Variants in REDIC1 observed in about 807,000 individuals in gnomAD.
The protein encoded by REDIC1 is regulator of DNA class I crossover intermediates 1, also known as HEI10 Interacting Protein 1.
chr12:39,817,377 T>G, the REDIC1 span, among the ~76,000 whole-genome samples: 1 of 145,546 alleles, frequency 6.9e-6, no homozygotes, highest in Non-Finnish European at 1.5e-5. Flanking sequence ...GTTCCATTAC[T>G]GTTTCCATTT....
chr12:39,860,033 G>A, the REDIC1 span, among the ~76,000 whole-genome samples: 2 of 152,098 alleles, frequency 1.3e-5, no homozygotes, highest in East Asian at 3.8e-4. Flanking sequence ...AGAAGAGCAA[G>A]GTTTGAAAGG....
the REDIC1 span, among the ~76,000 whole-genome samples, chr12:39,839,049 AT>A: frequency 6.6e-6 from 1 of 152,056 alleles, no homozygotes; most frequent in Non-Finnish European, 1.5e-5. Flanking sequence ...TTATGCATGA[AT>A]TGACACCTAT....
chr12:39,669,689 G>T, the REDIC1 span, among the ~76,000 whole-genome samples: 1 of 152,202 alleles, frequency 6.6e-6, no homozygotes, highest in Non-Finnish European at 1.5e-5. Flanking sequence ...CTTGAGCTGC[G>T]GTGGGCTCCA....
chr12:39,730,561 C>T, the REDIC1 span, among the ~76,000 whole-genome samples: 1 of 152,122 alleles, frequency 6.6e-6, no homozygotes, highest in African/African-American at 2.4e-5. Context: ...TTGTGAGTAA[C>T]CTGACCTTTC....
the REDIC1 span, among the ~76,000 whole-genome samples, chr12:39,653,829 T>C: frequency 6.6e-6 from 1 of 152,064 alleles, no homozygotes; most frequent in Non-Finnish European, 1.5e-5. Flanking sequence ...CTTTAACAGG[T>C]TGTGAAAGTT....
the REDIC1 span, among the ~76,000 whole-genome samples, chr12:39,751,103 A>G: frequency 1.3e-5 from 2 of 152,238 alleles, no homozygotes; most frequent in Non-Finnish European, 2.9e-5. Flanking sequence ...AGCAAAAGAA[A>G]CTACTATCAG....
At chr12:39,892,586 G>A in the REDIC1 span, among the ~76,000 whole-genome samples, 3 of 152,000 alleles carry the variant, frequency 2.0e-5, no homozygotes. Context: ...AATAAATTGG[G>A]TGCATTAAAC....
At chr12:39,826,511 C>G in the REDIC1 span, among the ~76,000 whole-genome samples, 3 of 149,660 alleles carry the variant, frequency 2.0e-5, no homozygotes, top group African/African-American at 7.4e-5. Context: ...ATTTCTCCCT[C>G]TAACAGTTCA....
At chr12:39,839,306 T>C in the REDIC1 span, among the ~76,000 whole-genome samples, 4 of 151,972 alleles carry the variant, frequency 2.6e-5, no homozygotes, top group Non-Finnish European at 5.9e-5. Context: ...TGCCAGAGCA[T>C]AGATGTCGGT....
the REDIC1 span, among the ~76,000 whole-genome samples, chr12:39,841,392 C>T: frequency 6.6e-6 from 1 of 152,024 alleles, no homozygotes; most frequent in East Asian, 1.9e-4. Context: ...CCAATGAACT[C>T]TCTAATGGAG....
At chr12:39,795,294 T>C in the REDIC1 span, among the ~76,000 whole-genome samples, 31 of 151,486 alleles carry the variant, frequency 2.0e-4, no homozygotes, top group Non-Finnish European at 3.5e-4. Flanking sequence ...CTAATTCTAC[T>C]GAGTCAAATC....
At chr12:39,675,930 G>A in the REDIC1 span, among the ~76,000 whole-genome samples, 3 of 152,288 alleles carry the variant, frequency 2.0e-5, no homozygotes, top group Middle Eastern at 3.4e-3. Context: ...CACCCTGTGG[G>A]ACAAAAGAAT....
At chr12:39,692,848 A>G in the REDIC1 span, among the ~76,000 whole-genome samples, 1 of 152,072 alleles carries the variant, frequency 6.6e-6, no homozygotes, top group Non-Finnish European at 1.5e-5. Flanking sequence ...ACTTCTTTGC[A>G]TCTTCAAGGT....
At chr12:39,697,664 T>C in the REDIC1 span, among the ~76,000 whole-genome samples, 1 of 152,200 alleles carries the variant, frequency 6.6e-6, no homozygotes, top group Non-Finnish European at 1.5e-5. Context: ...CATTTTTTTA[T>C]GCAAACAATT....
the REDIC1 span, among the ~76,000 whole-genome samples, chr12:39,704,871 A>G: frequency 1.3e-5 from 2 of 152,010 alleles, no homozygotes; most frequent in African/African-American, 2.4e-5. Context: ...GAATTGAACA[A>G]TGAGAACACA....
chr12:39,772,600 AG>A, the REDIC1 span, among the ~76,000 whole-genome samples: 1 of 152,202 alleles, frequency 6.6e-6, no homozygotes, highest in Non-Finnish European at 1.5e-5. Flanking sequence ...AAAATAGGAA[AG>A]GAAAGAAAAA....
At chr12:39,898,761 A>G in the REDIC1 span, among the ~76,000 whole-genome samples, 1 of 152,128 alleles carries the variant, frequency 6.6e-6, no homozygotes, top group Admixed American at 6.6e-5. Context: ...CACCCACACT[A>G]CTTACATCTC....
the REDIC1 span, among the ~76,000 whole-genome samples, chr12:39,847,162 T>G: frequency 6.6e-6 from 1 of 152,164 alleles, no homozygotes; most frequent in Admixed American, 6.5e-5. Flanking sequence ...AGTAGGTGAA[T>G]CCCTATTTGG....
chr12:39,839,276 GA>G, the REDIC1 span, among the ~76,000 whole-genome samples: 10 of 151,912 alleles, frequency 6.6e-5, no homozygotes, highest in Non-Finnish European at 1.3e-4. Context: ...AACAACTCTG[GA>G]ACACCTGCCT....
Sources: gnomAD v4.1 joint callset for allele counts (sites outside exome capture counted in the v4.1 genomes callset) on GRCh38, gnomAD v4.1.1 for gene constraint, MANE v1.5 for transcripts, NCBI Gene and HGNC (gene_info 2026-07-23, HGNC 2026-07-21) for gene names.